The following MET variants were observed in gnomAD, a reference collection of about 807,000 sequenced individuals.
MET encodes the protein hepatocyte growth factor receptor.
A neutral mutation model predicts 133.1 loss-of-function variants in MET; 48 were observed. The ratio of observed to expected loss-of-function variants is 0.36; its 90% CI spans 0.29 to 0.46. The LOEUF (loss-of-function observed/expected upper bound fraction) is 0.46, where lower values mean the gene tolerates loss of function less well. MET is among the 20% of genes least tolerant of loss of function. The probability of loss-of-function intolerance (pLI) is 1.00; values close to 1 mark genes in which losing one functional copy is unlikely to be tolerated. For missense variants in MET, 1,442 were observed against 1,695.9 expected, an observed-to-expected ratio of 0.85 and a Z score of 2.63; for synonymous variants, 628 against 616.5, an observed-to-expected ratio of 1.02 and a Z score of -0.28.
chr7:116,767,250 C>T (rs747936472), intron 11 of MET, among the ~76,000 whole-genome samples: 17 of 152,162 alleles, frequency 1.1e-4, no homozygotes, highest in Admixed American at 1.1e-3. Flanking sequence ...AGACATGAGT[C>T]CCCGGGTGTG....
At position 116,724,718 on chromosome 7, in the gene MET, G is replaced by A. The variant is rs148755295; in HGVS notation, c.1201-6950G>A. ...CAAGGGAAGCTTTTGGAAGCCACCC[G>A]GTAGAGCTGGAAGAGAATTTCGAAA... On this transcript the variant is annotated intron_variant, in intron 2 of 20. Transcript: ENST00000397752. 4.4e-4 allele frequency: 383 copies of A among 866,996 alleles called. 3 individuals carry two copies. In the African/African-American group the frequency reaches 6.1e-3, roughly 14 times the overall value. The allele number at this position is 866,996 out of a possible 1,614,324, so 53.7% of individuals were successfully genotyped here. A position where few individuals can be genotyped will look rare whatever the true frequency, so the allele number is the denominator to read the frequency against.
chr7:116,684,862 T>C (rs1166259596), intron 1 of MET, among the ~76,000 whole-genome samples: 1 of 152,072 alleles, frequency 6.6e-6, no homozygotes, highest in Non-Finnish European at 1.5e-5. Flanking sequence ...TAGAAAGATA[T>C]CTCTGGTATG....
Position 116,797,897 on chromosome 7 carries a change from A to G in MET, c.*1773A>G, listed in dbSNP as rs369765654. 3 of 223,868 alleles carry G rather than the reference A, an allele frequency of 1.3e-5. No individual in the cohort carries two copies. Among genetic ancestry groups the G allele is most frequent in the Non-Finnish European group, 2.7e-5 (3 of 112,126 alleles). 13.9% of individuals were successfully genotyped at this position (223,868 alleles called of 1,614,324 possible). A position where few individuals can be genotyped will look rare whatever the true frequency, so the allele number is the denominator to read the frequency against. On this transcript the variant is annotated 3_prime_UTR_variant, in exon 21 of 21. Coordinates refer to ENST00000397752, the MANE Select transcript of MET (RefSeq NM_000245.4). ...AATAGTTGAGTTTGGCTGTTGTTGCAGGAAAATGATTATAACTAAAAGCTC... is the reference window on the plus strand; with the variant it reads ...AATAGTTGAGTTTGGCTGTTGTTGCGGGAAAATGATTATAACTAAAAGCTC...
intron 2 of MET, among the ~76,000 whole-genome samples, chr7:116,710,712 A>G (rs1791964153): frequency 1.3e-5 from 2 of 152,132 alleles, no homozygotes; most frequent in South Asian, 4.1e-4. Flanking sequence ...TTAAAAAAAA[A>G]ACCCTCCAAA....
chr7:116,726,013 G>T (rs1337673781), intron 2 of MET, among the ~76,000 whole-genome samples: 1 of 147,694 alleles, frequency 6.8e-6, no homozygotes, highest in East Asian at 2.0e-4. Context: ...CTCCAGCATG[G>T]GTGACAGGGG....
rs1385709850 is a variant in MET at position 116,769,674 on chromosome 7, A to C, written c.2613A>C (p.Lys871Asn). The C allele has an allele frequency of 1.9e-6, 3 of 1,613,062 alleles. No homozygotes were observed. The highest frequency in any genetic ancestry group is 2.5e-6 in the Non-Finnish European group (3 of 1,179,736). Residue 871 changes from lysine to asparagine, a missense_variant, in exon 12 of 21, where the codon AAA (lysine) becomes AAC (asparagine). Lys to Asn is a moderately conservative substitution (Grantham distance 94, BLOSUM62 0). Around this residue, in one of 6 missense-constraint regions of MET, gnomAD observed 514 missense variants for 659.6 expected, o/e 0.78. Transcript: ENST00000397752. Reference protein sequence around the residue: ...KGNDIDPEAVKGEVLKVGNKS... With the variant: ...KGNDIDPEAVNGEVLKVGNKS... Reference sequence around the variant, plus strand: ...ATGATATTGACCCTGAAGCAGTTAAAGGTGAAGTGTTAAAAGTTGGAAATA... The same window carrying C: ...ATGATATTGACCCTGAAGCAGTTAACGGTGAAGTGTTAAAAGTTGGAAATA...
In MET at chr7:116,796,197, C is replaced by T. The variant is rs1447616518; in HGVS notation, c.*73C>T. On this transcript the variant is annotated 3_prime_UTR_variant, in exon 21 of 21. Coordinates refer to ENST00000397752, the MANE Select transcript of MET (RefSeq NM_000245.4). ...TTTCACTGCCTGACCTTTAAAAGGC[C>T]ATCGATATTCTTTGCTCTTGCCAAA... 2 of 1,383,234 alleles carry T rather than the reference C, an allele frequency of 1.4e-6. No homozygotes were observed. The highest frequency in any genetic ancestry group is 1.7e-5 in the Admixed American group (1 of 59,722). The allele number at this position is 1,383,234 out of a possible 1,614,324, so 85.7% of individuals were successfully genotyped here.
intron 6 of MET, among the ~76,000 whole-genome samples, chr7:116,757,097 C>A (rs1269411388): frequency 6.6e-6 from 1 of 151,790 alleles, no homozygotes; most frequent in Non-Finnish European, 1.5e-5. Flanking sequence ...TTTTAATTAA[C>A]CAGATGCCGT....
chr7:116,787,960 T>A (rs1282140178), intron 19 of MET, among the ~76,000 whole-genome samples: 2 of 151,550 alleles, frequency 1.3e-5, no homozygotes, highest in East Asian at 3.9e-4. Context: ...AAAAAAAAAA[T>A]GTGGTGTGTC....
At chr7:116,744,124 C>G (rs957660407) in intron 5 of MET, among the ~76,000 whole-genome samples, 4 of 152,082 alleles carry the variant, frequency 2.6e-5, no homozygotes, top group Middle Eastern at 3.4e-3. Flanking sequence ...ACCAGAACAC[C>G]TCTTCTCCTC....
intron 1 of MET, among the ~76,000 whole-genome samples, chr7:116,683,111 C>T (rs1022402432): frequency 2.6e-5 from 4 of 152,128 alleles, no homozygotes; most frequent in African/African-American, 7.2e-5. Flanking sequence ...GTGGTACATG[C>T]GCAGATTTGT....
chr7:116,706,221 A>G (rs1179018154), intron 2 of MET, among the ~76,000 whole-genome samples: 3 of 152,132 alleles, frequency 2.0e-5, no homozygotes, highest in Non-Finnish European at 4.4e-5. Flanking sequence ...ACTATGCCGC[A>G]TGCATTTTAA....
At chr7:116,709,263 A>G (rs1246268986) in intron 2 of MET, among the ~76,000 whole-genome samples, 1 of 152,232 alleles carries the variant, frequency 6.6e-6, no homozygotes, top group Non-Finnish European at 1.5e-5. Context: ...AAATATCTAA[A>G]TAAGTTTATG....
chr7:116,781,850 T>TTACA, intron 17 of MET, 138 bp from the exon 18 acceptor site: 1 of 669,226 alleles, frequency 1.5e-6, no homozygotes, highest in Admixed American at 2.3e-5. Context: ...AGTTCTGGGA[T>TTACA]TACAGGCTTG....
chr7:116,737,553 T>C (rs1037500697), intron 3 of MET, among the ~76,000 whole-genome samples: 1 of 152,200 alleles, frequency 6.6e-6, no homozygotes, highest in African/African-American at 2.4e-5. Context: ...ATCTGACTCA[T>C]GTACTTTCTA....
At chr7:116,785,617 A>C (rs562564020) in intron 19 of MET, among the ~76,000 whole-genome samples, 1 of 152,328 alleles carries the variant, frequency 6.6e-6, no homozygotes, top group South Asian at 2.1e-4. Context: ...ATTCAACATG[A>C]GATTTGAATG....
intron 2 of MET, among the ~76,000 whole-genome samples, chr7:116,716,103 T>C (rs1792181218): frequency 6.6e-6 from 1 of 151,826 alleles, no homozygotes; most frequent in Admixed American, 6.6e-5. Flanking sequence ...AATACAAAAA[T>C]TAGCCAGGTA....
intron 20 of MET, 36 bp from the exon 21 acceptor site, chr7:116,795,851 A>C (rs1562941498): frequency 1.2e-6 from 2 of 1,614,084 alleles, no homozygotes; most frequent in African/African-American, 2.7e-5. Context: ...CTGCCTTCAA[A>C]GGGTCTCTTA....
Position 116,775,044 on chromosome 7 carries a change from G to C in MET, c.3192G>C (p.Gln1064His), listed in dbSNP as rs974352099. Residue 1064 changes from glutamine (Q) to histidine (H), a missense_variant, in exon 15 of 21, where the codon CAG becomes CAC. Coordinates refer to ENST00000397752, the MANE Select transcript of MET (RefSeq NM_000245.4). ...DLSALNPELV[Q>H]AVQHVVIGPS... The stretch of plus-strand genomic sequence containing the variant: ...GTGCTCTAAATCCAGAGCTGGTCCA[G>C]GCAGTGCAGCATGTAGTGATTGGGC... The C allele has an allele frequency of 3.1e-6, 5 of 1,614,074 alleles. No homozygotes were observed. The highest frequency in any genetic ancestry group is 1.7e-5 in the Admixed American group (1 of 60,000).
Sources: allele counts gnomAD v4.1 joint callset (sites outside exome capture counted in the v4.1 genomes callset), GRCh38; gene constraint gnomAD v4.1.1; regional missense constraint gnomAD v4.1.1; transcripts MANE v1.5; gene names NCBI Gene and HGNC (gene_info 2026-07-23, HGNC 2026-07-21).